CTIF: variants seen among roughly 807,000 people sequenced by gnomAD.
The protein encoded by CTIF is CBP80/20-dependent translation initiation factor.
Under a neutral mutation model 66.0 loss-of-function variants are expected in CTIF, and 21 were observed. That is an observed-to-expected ratio of 0.32 (90% CI 0.23 to 0.46). The LOEUF (loss-of-function observed/expected upper bound fraction) is 0.46. CTIF is among the 20% of genes least tolerant of loss of function. The pLI is 1.00. For missense variants in CTIF, 739 were observed against 812.7 expected, an observed-to-expected ratio of 0.91 and a Z score of 1.10; for synonymous variants, 345 against 326.4, an observed-to-expected ratio of 1.06 and a Z score of -0.62.
chr18:48,795,466 G>A (rs764345535), intron 9 of CTIF, among the ~76,000 whole-genome samples: 1 of 152,194 alleles, frequency 6.6e-6, no homozygotes, highest in Non-Finnish European at 1.5e-5. Flanking sequence ...TTTTAAGGGA[G>A]TCCCAGATAA....
intron 7 of CTIF, 135 bp downstream of exon 7, chr18:48,711,830 G>C: frequency 1.4e-6 from 1 of 731,122 alleles, no homozygotes; most frequent in East Asian, 2.7e-5. Flanking sequence ...GTGGCATCGT[G>C]GGTTGGTTAC....
At chr18:48,698,062 C>T (rs1475159450) in intron 6 of CTIF, among the ~76,000 whole-genome samples, 5 of 137,172 alleles carry the variant, frequency 3.6e-5, no homozygotes, top group African/African-American at 1.4e-4. Flanking sequence ...CTCTCTACTC[C>T]TCCCTCCTGA....
intron 3 of CTIF, among the ~76,000 whole-genome samples, chr18:48,653,764 G>T (rs1458794649): frequency 6.6e-6 from 1 of 152,168 alleles, no homozygotes. Context: ...CATTGCACTG[G>T]TACCAAAACA....
intron 9 of CTIF, among the ~76,000 whole-genome samples, chr18:48,789,416 G>T (rs1298978768): frequency 2.0e-5 from 3 of 152,172 alleles, no homozygotes; most frequent in Non-Finnish European, 4.4e-5. Flanking sequence ...TACAACCCTG[G>T]CCCTCAATAA....
At chr18:48,828,502 G>A (rs564657161) in intron 10 of CTIF, among the ~76,000 whole-genome samples, 7 of 152,170 alleles carry the variant, frequency 4.6e-5, no homozygotes, top group East Asian at 3.9e-4. Flanking sequence ...GTTCCCTCCC[G>A]GGGAGTCCTC....
chr18:48,729,532 CTGGCGT>C (rs2092418361), intron 7 of CTIF, among the ~76,000 whole-genome samples: 5 of 152,216 alleles, frequency 3.3e-5, no homozygotes, highest in Non-Finnish European at 7.3e-5. Flanking sequence ...AGGATGAGAG[CTGGCGT>C]CCCCATGAGA....
At chr18:48,732,848 G>A (rs1290507659) in intron 7 of CTIF, among the ~76,000 whole-genome samples, 1 of 152,232 alleles carries the variant, frequency 6.6e-6, no homozygotes, top group Non-Finnish European at 1.5e-5. Context: ...GCAGGAGGAG[G>A]CACATGTCAC....
At chr18:48,648,487 A>ACACACACACACG (rs1297615536) in intron 3 of CTIF, among the ~76,000 whole-genome samples, 2 of 149,972 alleles carry the variant, frequency 1.3e-5, no homozygotes, top group South Asian at 4.3e-4. Flanking sequence ...ACACACACAC[A>ACACACACACACG]CGCACACACA....
chr18:48,579,478 G>A (rs1346731448), intron 1 of CTIF, among the ~76,000 whole-genome samples: 1 of 152,142 alleles, frequency 6.6e-6, no homozygotes, highest in Admixed American at 6.5e-5. Context: ...ATACCCAGTT[G>A]TCTCAGCAAT....
chr18:48,788,574 G>A (rs529660550), intron 9 of CTIF, among the ~76,000 whole-genome samples: 5 of 152,246 alleles, frequency 3.3e-5, no homozygotes, highest in East Asian at 3.9e-4. Flanking sequence ...ACCTGCCCCC[G>A]GAGGCCTTGT....
chr18:48,644,149 G>A (rs1030677628), intron 3 of CTIF, among the ~76,000 whole-genome samples: 1 of 152,100 alleles, frequency 6.6e-6, no homozygotes, highest in East Asian at 1.9e-4. Context: ...CCTCTTTCCT[G>A]CATGAGGAAT....
At chr18:48,693,230 C>T (rs919721779) in intron 6 of CTIF, among the ~76,000 whole-genome samples, 2 of 152,162 alleles carry the variant, frequency 1.3e-5, no homozygotes, top group Admixed American at 6.5e-5. Context: ...GTGGCAGGCT[C>T]CAAGGGCTCT....
chr18:48,859,553 A>G lies in CTIF; in HGVS notation c.1791A>G (p.Thr597=). The G allele has an allele frequency of 6.2e-7, 1 of 1,613,864 alleles. No individual in the cohort carries two copies. The highest frequency in any genetic ancestry group is 8.5e-7 in the Non-Finnish European group (1 of 1,179,990). The change falls in exon 12 of 12, where the codon ACA becomes ACG. Residue 597 remains threonine, a synonymous_variant. Transcript: ENST00000256413. The part of the protein sequence containing the change: ...QYYNRTIQKL[T]A ...ACAACAGAACCATCCAGAAACTGACAGCCTGACAGCCAGGGGGCCTGGCAG... is the reference window on the plus strand; with the variant it reads ...ACAACAGAACCATCCAGAAACTGACGGCCTGACAGCCAGGGGGCCTGGCAG...
intron 7 of CTIF, among the ~76,000 whole-genome samples, chr18:48,746,215 C>T (rs1184106683): frequency 1.3e-5 from 2 of 152,200 alleles, no homozygotes; most frequent in Non-Finnish European, 2.9e-5. Flanking sequence ...GGTTTATCAT[C>T]ATCCTGTGGT....
At chr18:48,658,392 T>C (rs1248533469) in intron 3 of CTIF, among the ~76,000 whole-genome samples, 6 of 148,350 alleles carry the variant, frequency 4.0e-5, no homozygotes, top group East Asian at 2.1e-4. Context: ...ATACCACATG[T>C]ATATATGTGG....
chr18:48,572,042 C>T (rs937708042), intron 1 of CTIF, among the ~76,000 whole-genome samples: 2 of 151,798 alleles, frequency 1.3e-5, no homozygotes, highest in African/African-American at 4.8e-5. Context: ...TTATTTCTTC[C>T]TTCTCTTTCT....
At chr18:48,676,972 T>C (rs2091640447) in intron 6 of CTIF, among the ~76,000 whole-genome samples, 1 of 151,974 alleles carries the variant, frequency 6.6e-6, no homozygotes, top group Admixed American at 6.5e-5. Context: ...GTGGCGCTGC[T>C]GCTATTTAGT....
intron 6 of CTIF, among the ~76,000 whole-genome samples, chr18:48,680,380 G>A (rs2091719751): frequency 6.6e-6 from 1 of 152,262 alleles, no homozygotes; most frequent in Non-Finnish European, 1.5e-5. Flanking sequence ...AGGCCAGATT[G>A]AGGACAGCCT....
intron 1 of CTIF, among the ~76,000 whole-genome samples, chr18:48,603,722 G>A (rs2090150094): frequency 1.3e-5 from 2 of 152,080 alleles, no homozygotes. Context: ...ATAGATGGGT[G>A]GCTGGCTTGC....
Sources: gnomAD v4.1 joint callset for allele counts (sites outside exome capture counted in the v4.1 genomes callset) on GRCh38, gnomAD v4.1.1 for gene constraint, MANE v1.5 for transcripts, NCBI Gene and HGNC (gene_info 2026-07-23, HGNC 2026-07-21) for gene names.